The following GPR89A variants were observed in gnomAD, a reference collection of about 807,000 sequenced individuals.
The protein encoded by GPR89A is golgi pH regulator A, also known as G protein-coupled receptor 89A.
In GPR89A, 16 loss-of-function variants were observed where a neutral mutation model predicts 52.0. That is an observed-to-expected ratio of 0.31 (90% confidence interval 0.21 to 0.47). GPR89A has a LOEUF of 0.47. Ranked by LOEUF, GPR89A falls within the 20% of genes least tolerant of loss-of-function variation. The probability of loss-of-function intolerance (pLI) is 1.00; values close to 1 mark genes in which losing one functional copy is unlikely to be tolerated. For missense variants in GPR89A, 135 were observed against 449.4 expected (o/e 0.30, Z 6.33); for synonymous variants, 55 against 150.9 (o/e 0.36, Z 4.66).
rs1647960040 is a variant in GPR89A at position 145,608,292 on chromosome 1, C to G, written c.42+117C>G. On this transcript the variant is annotated intron_variant, in intron 1 of 13. Transcript: ENST00000313835. ...TCGCTCCTCTCTTACGCGTCCTGCGCTAGTCACTCTGGCACCCAGAGAGGG... is the reference window on the plus strand; with the variant it reads ...TCGCTCCTCTCTTACGCGTCCTGCGGTAGTCACTCTGGCACCCAGAGAGGG... 3 of 1,417,872 alleles carry G rather than the reference C, an allele frequency of 2.1e-6. No homozygotes were observed. The East Asian group carries it at 7.0e-5, about 33-fold the overall frequency. 87.8% of individuals were successfully genotyped at this position (1,417,872 alleles called of 1,614,324 possible).
intron 1 of GPR89A, among the ~76,000 whole-genome samples, chr1:145,610,218 C>G (rs587654654): frequency 2.0e-5 from 3 of 152,092 alleles, no homozygotes; most frequent in South Asian, 4.2e-4. Flanking sequence ...GCGCCCCTCC[C>G]TGCTCATTTT....
At chr1:145,661,619 T>C (rs1328886104) in intron 10 of GPR89A, among the ~76,000 whole-genome samples, 3 of 145,832 alleles carry the variant, frequency 2.1e-5, no homozygotes, top group African/African-American at 7.6e-5. Context: ...AAGAACCAAC[T>C]TTTGGGTTAA....
Position 145,616,382 on chromosome 1 carries a change from C to T in GPR89A, c.102+89C>T, listed in dbSNP as rs1571466331. On this transcript the variant is annotated intron_variant, in intron 2 of 13. Coordinates refer to ENST00000313835, the MANE Select transcript of GPR89A (RefSeq NM_001097612.2). ...CATTAAAGAAACATTATGTTCATTT[C>T]CAAGATAGGAAGCTTTTACCAAATA... The T allele has an allele frequency of 1.1e-5, 11 of 1,023,182 alleles. No individual in the cohort carries two copies. The East Asian group carries it at 2.4e-4, about 22-fold the overall frequency. 63.4% of individuals were successfully genotyped at this position (1,023,182 alleles called of 1,614,324 possible). A position where few individuals can be genotyped will look rare whatever the true frequency, so the allele number is the denominator to read the frequency against.
intron 1 of GPR89A, among the ~76,000 whole-genome samples, chr1:145,609,304 T>C (rs587608430): frequency 6.6e-6 from 1 of 152,292 alleles, no homozygotes; most frequent in South Asian, 2.1e-4. Flanking sequence ...ATTGTCCTTT[T>C]CTCTTCAAAA....
intron 1 of GPR89A, among the ~76,000 whole-genome samples, chr1:145,615,820 A>C (rs1310773829): frequency 1.3e-5 from 2 of 152,014 alleles, no homozygotes; most frequent in Non-Finnish European, 2.9e-5. Context: ...GAGCTTTGCC[A>C]TGTTGGCCAG....
Position 145,647,877 on chromosome 1 carries a change from CTCTA to C in GPR89A, c.909+612_909+615del, listed in dbSNP as rs1651152308. Among the ~76,000 whole-genome samples the C allele has an allele frequency of 9.9e-3, 402 of 40,742 alleles. 1 individual carries two copies. Among genetic ancestry groups the C allele is most frequent in the Middle Eastern group, 0.014 (1 of 70 alleles). The allele number at this position is 40,742 out of a possible 152,430, so 26.7% of individuals were successfully genotyped here. A position where few individuals can be genotyped will look rare whatever the true frequency, so the allele number is the denominator to read the frequency against. ...TCTCTCTCTCTCTCTCTCTCTCTCT[CTCTA>C]TATATATATATATATATATATATAT... On this transcript the variant is annotated intron_variant, in intron 10 of 13. Coordinates refer to ENST00000313835, the MANE Select transcript of GPR89A (RefSeq NM_001097612.2).
At chr1:145,626,964 A>AAAT (rs1649553138) in intron 5 of GPR89A, among the ~76,000 whole-genome samples, 1 of 148,256 alleles carries the variant, frequency 6.7e-6, no homozygotes, top group Non-Finnish European at 1.5e-5. Flanking sequence ...AAAAAAAAAA[A>AAAT]GATAAGACCA....
chr1:145,668,926 G>A (rs1182704431), intron 12 of GPR89A, among the ~76,000 whole-genome samples: 1 of 152,156 alleles, frequency 6.6e-6, no homozygotes, highest in African/African-American at 2.4e-5. Context: ...AAGCCCATTT[G>A]ATCATGGCAG....
At chr1:145,660,031 C>A (rs1360663594) in intron 10 of GPR89A, among the ~76,000 whole-genome samples, 2 of 151,828 alleles carry the variant, frequency 1.3e-5, no homozygotes, top group Admixed American at 6.6e-5. Context: ...CTCTTTGAAG[C>A]AATTGTGAAT....
intron 7 of GPR89A, among the ~76,000 whole-genome samples, chr1:145,639,943 C>T (rs1413041151): frequency 2.6e-5 from 4 of 152,096 alleles, no homozygotes; most frequent in African/African-American, 7.2e-5. Flanking sequence ...ACACGCCGGG[C>T]GTGGTGGCTC....
chr1:145,611,809 ATC>A (rs1157223211), intron 1 of GPR89A, among the ~76,000 whole-genome samples: 1 of 151,654 alleles, frequency 6.6e-6, no homozygotes, highest in Non-Finnish European at 1.5e-5. Context: ...CTGAATTTAC[ATC>A]TGTCTCCACC....
At chr1:145,632,944 C>T (rs1435121366) in intron 7 of GPR89A, among the ~76,000 whole-genome samples, 1 of 151,802 alleles carries the variant, frequency 6.6e-6, no homozygotes, top group Non-Finnish European at 1.5e-5. Context: ...GTCATTCTGA[C>T]AGGTATGAGG....
intron 5 of GPR89A, among the ~76,000 whole-genome samples, chr1:145,625,972 G>A (rs1490179730): frequency 6.6e-6 from 1 of 150,388 alleles, no homozygotes; most frequent in Non-Finnish European, 1.5e-5. Context: ...TTGAATCAGT[G>A]GATGGAAGAA....
intron 10 of GPR89A, among the ~76,000 whole-genome samples, chr1:145,650,107 A>T (rs1297587035): frequency 2.0e-5 from 3 of 152,070 alleles, no homozygotes; most frequent in Admixed American, 1.3e-4. Flanking sequence ...CCCAGCATCC[A>T]TTAGCTATTT....
rs1382885614 is a variant in GPR89A, at chr1:145,646,125, C to T, written c.728-59C>T. 8 of 1,613,294 alleles carry T rather than the reference C, an allele frequency of 5.0e-6. No homozygotes were observed. In the East Asian group the frequency reaches 1.6e-4, roughly 31 times the overall value. ...AGGAAAAACCAAAAGTATATGCTTT[C>T]TCATTGCCATTTCTTGAATTCCTAT... On this transcript the variant is annotated intron_variant, in intron 8 of 13. Transcript: ENST00000313835.
At chr1:145,612,411 G>A (rs1648359989) in intron 1 of GPR89A, among the ~76,000 whole-genome samples, 8 of 152,104 alleles carry the variant, frequency 5.3e-5, no homozygotes, top group African/African-American at 2.4e-5. Flanking sequence ...GTATTTTGAA[G>A]TGGTTAAAAG....
In GPR89A at chr1:145,648,795, G is replaced by GTCTTTT. The variant is rs1467141596; in HGVS notation, c.909+1529_909+1530insCTTTTT. 1.9e-5 allele frequency among the ~76,000 whole-genome samples: 2 copies of GTCTTTT among 105,404 alleles called. 1 individual carries two copies. Among genetic ancestry groups the GTCTTTT allele is most frequent in the Non-Finnish European group, 3.6e-5 (2 of 55,192 alleles). 69.1% of individuals were successfully genotyped at this position (105,404 alleles called of 152,430 possible). On this transcript the variant is annotated intron_variant, in intron 10 of 13. Coordinates refer to ENST00000313835, the MANE Select transcript of GPR89A (RefSeq NM_001097612.2). ...CATCACACCCGGCCTAGGGAAGCAT[G>GTCTTTT]TTCTTTTTTTTTTTTTTTTTTGTTG...
At chr1:145,641,900 A>G (rs1553691796) in intron 7 of GPR89A, among the ~76,000 whole-genome samples, 2 of 152,148 alleles carry the variant, frequency 1.3e-5, no homozygotes, top group Non-Finnish European at 2.9e-5. Flanking sequence ...AAGGTTTAAT[A>G]TTGTTACCTT....
At chr1:145,660,244 G>C (rs1291732570) in intron 10 of GPR89A, among the ~76,000 whole-genome samples, 13 of 151,862 alleles carry the variant, frequency 8.6e-5, no homozygotes, top group Admixed American at 8.5e-4. Flanking sequence ...AAACTGGCTA[G>C]CCATATGTAG....
Sources: gnomAD v4.1 joint callset for allele counts (sites outside exome capture counted in the v4.1 genomes callset) on GRCh38, gnomAD v4.1.1 for gene constraint, MANE v1.5 for transcripts, NCBI Gene and HGNC (gene_info 2026-07-23, HGNC 2026-07-21) for gene names.